The following HS2ST1 variants were observed in gnomAD, a reference collection of about 807,000 sequenced individuals.
The protein encoded by HS2ST1 is heparan sulfate 2-O-sulfotransferase 1, also known as 2-O-sulfotransferase.
HS2ST1 carries 18 observed loss-of-function variants against 42.9 expected under a neutral mutation model. That is an observed-to-expected ratio of 0.42 (90% CI 0.29 to 0.62). The LOEUF (loss-of-function observed/expected upper bound fraction) is 0.62, where lower values mean the gene tolerates loss of function less well. HS2ST1 is among the 20% of genes least tolerant of loss of function. The probability of loss-of-function intolerance (pLI) is 0.21; values close to 1 mark genes in which losing one functional copy is unlikely to be tolerated. For missense variants in HS2ST1, 334 were observed against 433.8 expected, an observed-to-expected ratio of 0.77 and a Z score of 2.04; for synonymous variants, 146 against 152.9, an observed-to-expected ratio of 0.95 and a Z score of 0.33.
chr1:87,044,603 CAACTT>C (rs1448187078), intron 1 of HS2ST1, among the ~76,000 whole-genome samples: 17 of 152,290 alleles, frequency 1.1e-4, no homozygotes, highest in East Asian at 3.9e-4. Context: ...AACCAGGTAT[CAACTT>C]AACCACAATA....
At chr1:87,086,001 T>G (rs576892383) in intron 3 of HS2ST1, among the ~76,000 whole-genome samples, 1 of 152,340 alleles carries the variant, frequency 6.6e-6, no homozygotes, top group South Asian at 2.1e-4. Flanking sequence ...TCATAGATTT[T>G]TCCAAGATTT....
At chr1:86,960,104 G>A (rs57610101) in intron 1 of HS2ST1, among the ~76,000 whole-genome samples, 151 of 151,958 alleles carry the variant, frequency 9.9e-4, no homozygotes, top group African/African-American at 3.0e-3. Flanking sequence ...GCAAAATAGC[G>A]CATAGGTAGA....
intron 1 of HS2ST1, among the ~76,000 whole-genome samples, chr1:87,047,747 T>C (rs1650722003): frequency 6.6e-6 from 1 of 152,216 alleles, no homozygotes; most frequent in African/African-American, 2.4e-5. Context: ...TTTTCTAAAA[T>C]CAATTGATCA....
chr1:87,077,011 C>T (rs1651562784), intron 2 of HS2ST1, among the ~76,000 whole-genome samples: 1 of 152,152 alleles, frequency 6.6e-6, no homozygotes, highest in Admixed American at 6.5e-5. Context: ...TTTTCTCCAC[C>T]TATAATGTGT....
chr1:87,092,478 C>T (rs1651970060), intron 3 of HS2ST1, 53 bp from the exon 4 acceptor site: 6 of 1,395,638 alleles, frequency 4.3e-6, no homozygotes, highest in Non-Finnish European at 4.8e-6. Context: ...TCAGGGCACT[C>T]CTAAACAGAT....
At chr1:87,081,861 C>G (rs1333011233) in intron 2 of HS2ST1, among the ~76,000 whole-genome samples, 1 of 151,524 alleles carries the variant, frequency 6.6e-6, no homozygotes, top group African/African-American at 2.4e-5. Flanking sequence ...CTAGTCCCAG[C>G]TACTCAGGAG....
chr1:87,099,067 C>T (rs1217809497), intron 5 of HS2ST1, among the ~76,000 whole-genome samples: 2 of 152,168 alleles, frequency 1.3e-5, no homozygotes, highest in Non-Finnish European at 1.5e-5. Context: ...CATGAGCCAC[C>T]GTGCCCAGCT....
At chr1:86,970,692 C>T (rs1198259242) in intron 1 of HS2ST1, among the ~76,000 whole-genome samples, 2 of 152,106 alleles carry the variant, frequency 1.3e-5, no homozygotes, top group African/African-American at 4.8e-5. Flanking sequence ...CTGTGCCCTG[C>T]CTGTAATTTT....
intron 1 of HS2ST1, among the ~76,000 whole-genome samples, chr1:87,050,983 C>G (rs1302548741): frequency 6.6e-6 from 1 of 152,140 alleles, no homozygotes; most frequent in African/African-American, 2.4e-5. Context: ...CAAATCACCT[C>G]AAACCTTCAC....
intron 1 of HS2ST1, among the ~76,000 whole-genome samples, chr1:86,937,827 T>C (rs1660687840): frequency 6.6e-6 from 1 of 152,136 alleles, no homozygotes. Flanking sequence ...TCTTCTGCAT[T>C]GGCATTCGTT....
chr1:86,989,821 T>C (rs1218349644), intron 1 of HS2ST1, among the ~76,000 whole-genome samples: 1 of 152,170 alleles, frequency 6.6e-6, no homozygotes, highest in Non-Finnish European at 1.5e-5. Flanking sequence ...ACATGTGATG[T>C]TTGGTTTTCT....
At chr1:87,103,025 C>A (rs1006814134) in intron 5 of HS2ST1, among the ~76,000 whole-genome samples, 1 of 152,090 alleles carries the variant, frequency 6.6e-6, no homozygotes, top group African/African-American at 2.4e-5. Context: ...CACAAAAACC[C>A]GAAACTCACA....
chr1:87,073,894 G>A (rs1222319292), intron 2 of HS2ST1, among the ~76,000 whole-genome samples: 1 of 152,176 alleles, frequency 6.6e-6, no homozygotes, highest in Non-Finnish European at 1.5e-5. Flanking sequence ...GATAATGTTT[G>A]CAAATACTAC....
chr1:86,998,098 C>T (rs924790971), intron 1 of HS2ST1, among the ~76,000 whole-genome samples: 4 of 152,172 alleles, frequency 2.6e-5, no homozygotes, highest in Non-Finnish European at 4.4e-5. Flanking sequence ...ACTTAGAGGT[C>T]AAGGATATCC....
At position 87,008,530 on chromosome 1, in the gene HS2ST1, A is replaced by G. The variant is rs566904133; in HGVS notation, c.125-64404A>G. ...GCATTTGCTTCAGTATCAGTTATCC[A>G]GAAACTCCAAGGCAGTTCTTAAGCG... is the stretch of plus-strand genomic sequence containing the variant. On this transcript the variant is annotated intron_variant, in intron 1 of 6. Coordinates refer to ENST00000370550, the MANE Select transcript of HS2ST1 (RefSeq NM_012262.4). Among the ~76,000 whole-genome samples the G allele has an allele frequency of 1.6e-4, 25 of 152,372 alleles. No homozygotes were observed. The East Asian group carries it at 4.6e-3, about 28-fold the overall frequency.
chr1:86,974,598 C>G (rs970280393), intron 1 of HS2ST1, among the ~76,000 whole-genome samples: 1 of 152,292 alleles, frequency 6.6e-6, no homozygotes, highest in South Asian at 2.1e-4. Flanking sequence ...TTACTTGGAA[C>G]TGGCATCTGA....
In HS2ST1 at chr1:87,097,818, C is replaced by T; in HGVS notation, c.589-20C>T. 1.2e-6 allele frequency: 2 copies of T among 1,613,388 alleles called. No homozygotes were observed. The highest frequency in any genetic ancestry group is 1.7e-6 in the Non-Finnish European group (2 of 1,179,572). The stretch of plus-strand genomic sequence containing the variant: ...GACTTGGATTTATGGCTTACCCGTG[C>T]TGCTTTGTCTTTGTTCTAGACCTTT... On this transcript the variant is annotated intron_variant, in intron 4 of 6. Coordinates refer to ENST00000370550, the MANE Select transcript of HS2ST1 (RefSeq NM_012262.4).
intron 1 of HS2ST1, among the ~76,000 whole-genome samples, chr1:86,945,640 T>C (rs566564350): frequency 2.6e-5 from 4 of 152,320 alleles, no homozygotes; most frequent in African/African-American, 9.6e-5. Context: ...CTTGTACTTA[T>C]AGACTAGGTG....
At chr1:87,086,978 C>T (rs928508531) in intron 3 of HS2ST1, among the ~76,000 whole-genome samples, 1 of 151,856 alleles carries the variant, frequency 6.6e-6, no homozygotes, top group Middle Eastern at 3.2e-3. Context: ...TGGACATTTT[C>T]AAAATGTCAT....
Sources: allele counts gnomAD v4.1 joint callset (sites outside exome capture counted in the v4.1 genomes callset), GRCh38; gene constraint gnomAD v4.1.1; transcripts MANE v1.5; gene names NCBI Gene and HGNC (gene_info 2026-07-23, HGNC 2026-07-21).